PLCL1: variants seen among roughly 807,000 people sequenced by gnomAD.
PLCL1 encodes the protein inactive phospholipase C-like protein 1.
In PLCL1, 41 loss-of-function variants were observed where a neutral mutation model predicts 84.4. That is an observed-to-expected ratio of 0.49 (90% CI 0.38 to 0.63). PLCL1 has a LOEUF of 0.63. PLCL1 is among the 30% of genes least tolerant of loss of function. PLCL1 has a pLI of 0.00. For missense variants in PLCL1, 1,206 were observed against 1,367.8 expected (o/e 0.88, Z 1.87); for synonymous variants, 490 against 488.3 (o/e 1.00, Z -0.05).
In PLCL1 at chr2:198,078,458, A is replaced by G. The variant is rs563383832; in HGVS notation, c.241-5300A>G. ...GTATAGGTTGTATATATGAACAGAT[A>G]GGGTCTGTATGGTGAAAATCAAACC... On this transcript the variant is annotated intron_variant, in intron 1 of 5. Transcript: ENST00000428675. 1.5e-4 allele frequency among the ~76,000 whole-genome samples: 23 copies of G among 152,290 alleles called. 1 individual carries two copies. In the South Asian group the frequency reaches 4.6e-3, roughly 30 times the overall value.
chr2:197,806,122 T>G (rs1690472754), intron 1 of PLCL1, among the ~76,000 whole-genome samples: 2 of 152,196 alleles, frequency 1.3e-5, no homozygotes, highest in Non-Finnish European at 2.9e-5. Flanking sequence ...AGCATGACTT[T>G]GGGGTAAGGT....
intron 5 of PLCL1, among the ~76,000 whole-genome samples, chr2:198,124,147 A>AT (rs1226631456): frequency 2.6e-5 from 4 of 152,080 alleles, no homozygotes. Context: ...ATTAGGATGC[A>AT]TTTTTATGTA....
At chr2:198,032,532 T>A (rs1274099990) in intron 1 of PLCL1, among the ~76,000 whole-genome samples, 3 of 152,188 alleles carry the variant, frequency 2.0e-5, no homozygotes, top group Admixed American at 6.6e-5. Context: ...TTGCTAAGCA[T>A]CAGGTGAACC....
At chr2:197,816,827 A>T (rs1690699636) in intron 1 of PLCL1, among the ~76,000 whole-genome samples, 1 of 152,180 alleles carries the variant, frequency 6.6e-6, no homozygotes, top group Non-Finnish European at 1.5e-5. Context: ...TAGGAGGAAC[A>T]TGTTTAATAT....
intron 1 of PLCL1, among the ~76,000 whole-genome samples, chr2:197,824,593 A>G (rs1158608648): frequency 3.3e-5 from 5 of 151,764 alleles, no homozygotes; most frequent in Admixed American, 1.3e-4. Flanking sequence ...GCATGCCTAT[A>G]GCTCCATTTA....
chr2:198,028,396 T>A (rs897211600), intron 1 of PLCL1, among the ~76,000 whole-genome samples: 1 of 152,146 alleles, frequency 6.6e-6, no homozygotes, highest in Non-Finnish European at 1.5e-5. Context: ...GCTACGGATG[T>A]GGGCTTATGG....
chr2:198,145,452 A>AC, intron 5 of PLCL1, among the ~76,000 whole-genome samples: 1 of 152,200 alleles, frequency 6.6e-6, no homozygotes, highest in Non-Finnish European at 1.5e-5. Context: ...TCAGCGATTA[A>AC]CCAGCTGTGA....
At chr2:197,896,072 ACTT>A (rs1450380206) in intron 1 of PLCL1, among the ~76,000 whole-genome samples, 1 of 151,988 alleles carries the variant, frequency 6.6e-6, no homozygotes, top group African/African-American at 2.4e-5. Context: ...AAAGCAAACT[ACTT>A]CTTAACAAAA....
intron 3 of PLCL1, among the ~76,000 whole-genome samples, chr2:198,090,750 T>C (rs1294134762): frequency 6.6e-6 from 1 of 152,194 alleles, no homozygotes; most frequent in East Asian, 1.9e-4. Context: ...CTAGTTGCCA[T>C]AGAGACAGAC....
At chr2:198,120,835 G>A (rs1268452199) in intron 5 of PLCL1, among the ~76,000 whole-genome samples, 1 of 152,062 alleles carries the variant, frequency 6.6e-6, no homozygotes, top group African/African-American at 2.4e-5. Context: ...TATATACCCA[G>A]AAGTGGGATT....
At chr2:197,983,171 CTTTT>C (rs1252605534) in intron 1 of PLCL1, among the ~76,000 whole-genome samples, 1 of 99,626 alleles carries the variant, frequency 1.0e-5, no homozygotes, top group Non-Finnish European at 2.3e-5. Flanking sequence ...TTCTTTCTTT[CTTTT>C]TTCTTTTTCT....
At chr2:198,071,533 C>G (rs1245858308) in intron 1 of PLCL1, among the ~76,000 whole-genome samples, 1 of 151,678 alleles carries the variant, frequency 6.6e-6, no homozygotes, top group Non-Finnish European at 1.5e-5. Context: ...TTTTATTTGT[C>G]TATACCTTTG....
chr2:198,039,851 A>G (rs1691619872), intron 1 of PLCL1, among the ~76,000 whole-genome samples: 1 of 152,234 alleles, frequency 6.6e-6, no homozygotes, highest in African/African-American at 2.4e-5. Flanking sequence ...AGATTGGTCA[A>G]TATTCCTTTT....
At position 198,084,643 on chromosome 2, in the gene PLCL1, G is replaced by A. The variant is rs761207761; in HGVS notation, c.1126G>A (p.Gly376Ser). 6.2e-7 allele frequency: 1 copy of A among 1,614,044 alleles called. No homozygotes were observed. The highest frequency in any genetic ancestry group is 1.1e-5 in the South Asian group (1 of 91,070). The change falls in exon 2 of 6, where the codon GGC becomes AGC. Residue 376 changes from glycine (G) to serine (S), a missense_variant. Transcript: ENST00000428675. ...GRQKGFLAID[G>S]FTQYLLSSEC... ...TCAAAAAGGGTTTCTTGCAATTGAT[G>A]GCTTTACCCAGTATTTATTGTCATC...
At chr2:198,080,681 T>C (rs1322225802) in intron 1 of PLCL1, among the ~76,000 whole-genome samples, 1 of 152,232 alleles carries the variant, frequency 6.6e-6, no homozygotes, top group Non-Finnish European at 1.5e-5. Flanking sequence ...TACGTAATCT[T>C]GGCTGTAGTC....
At chr2:197,910,762 C>A (rs989613881) in intron 1 of PLCL1, among the ~76,000 whole-genome samples, 13 of 152,186 alleles carry the variant, frequency 8.5e-5, no homozygotes, top group Non-Finnish European at 1.6e-4. Flanking sequence ...TTCTGCCTGA[C>A]TCAAATATCC....
At chr2:197,975,539 C>G (rs533918665) in intron 1 of PLCL1, among the ~76,000 whole-genome samples, 22 of 152,286 alleles carry the variant, frequency 1.4e-4, no homozygotes, top group African/African-American at 5.3e-4. Flanking sequence ...AAGGGCCAGG[C>G]ACCCCTGCAA....
chr2:197,810,976 G>T (rs542958020), intron 1 of PLCL1, among the ~76,000 whole-genome samples: 1 of 152,304 alleles, frequency 6.6e-6, no homozygotes, highest in African/African-American at 2.4e-5. Flanking sequence ...GAATCATTGT[G>T]TTGGACTTTA....
intron 1 of PLCL1, among the ~76,000 whole-genome samples, chr2:197,834,560 A>G (rs1009228349): frequency 1.3e-5 from 2 of 152,252 alleles, no homozygotes; most frequent in Non-Finnish European, 2.9e-5. Context: ...GCCTGTCATC[A>G]CTGGTCATTA....
Sources: allele counts gnomAD v4.1 joint callset (sites outside exome capture counted in the v4.1 genomes callset), GRCh38; gene constraint gnomAD v4.1.1; transcripts MANE v1.5; gene names NCBI Gene and HGNC (gene_info 2026-07-23, HGNC 2026-07-21).